MBTPS1: variants seen among roughly 807,000 people sequenced by gnomAD.
MBTPS1 encodes membrane-bound transcription factor site-1 protease.
MBTPS1 carries 94 observed loss-of-function variants against 127.8 expected under a neutral mutation model. That is an observed-to-expected ratio of 0.74 (90% CI 0.62 to 0.87). The LOEUF (loss-of-function observed/expected upper bound fraction) is 0.87, where lower values mean the gene tolerates loss of function less well. MBTPS1 is among the 40% of genes least tolerant of loss of function. MBTPS1 has a pLI of 0.00. For synonymous variants in MBTPS1, 632 were observed against 509.4 expected, an observed-to-expected ratio of 1.24 and a Z score of -3.24; for missense variants, 1,636 against 1,353.2, an observed-to-expected ratio of 1.21 and a Z score of -3.28.
intron 9 of MBTPS1, chr16:84,086,210 G>C (rs7200337): frequency 0.23 from 34,741 of 152,136 alleles, 4,822 homozygotes; most frequent in East Asian, 0.38. Flanking sequence ...CCATTAAAAA[G>C]CTGGCTGGTG....
chr16:84,112,888 T>C (rs1316406597), intron 1 of MBTPS1, among the ~76,000 whole-genome samples: 1 of 144,946 alleles, frequency 6.9e-6, no homozygotes, highest in African/African-American at 2.6e-5. Flanking sequence ...GGTGGGAGAA[T>C]CGCTTGAACC....
At chr16:84,092,645 T>G (rs773815136) in intron 6 of MBTPS1, among the ~76,000 whole-genome samples, 29 of 152,074 alleles carry the variant, frequency 1.9e-4, no homozygotes, top group Non-Finnish European at 4.0e-4. Context: ...ATTCAAAAAT[T>G]AACCTTAAAA....
At chr16:84,091,427 A>C (rs556154113) in intron 7 of MBTPS1, among the ~76,000 whole-genome samples, 1 of 149,000 alleles carries the variant, frequency 6.7e-6, no homozygotes, top group Non-Finnish European at 1.5e-5. Flanking sequence ...CGGAGGTTGC[A>C]GTGAGCCAAG....
At chr16:84,082,755 A>G (rs1436828452) in intron 10 of MBTPS1, among the ~76,000 whole-genome samples, 1 of 152,146 alleles carries the variant, frequency 6.6e-6, no homozygotes, top group Non-Finnish European at 1.5e-5. Context: ...AGTAGAGGAG[A>G]TAAAGTAGAT....
rs745547400 is a variant in MBTPS1, at chr16:84,099,284, A to G, written c.190T>C (p.Phe64Leu). The change falls in exon 3 of 23, where the codon TTT (phenylalanine) becomes CTT (leucine). Residue 64 changes from phenylalanine to leucine, a missense_variant. Physicochemically the swap from Phe to Leu is conservative, Grantham distance 22 (BLOSUM62 0). Coordinates refer to ENST00000343411, the MANE Select transcript of MBTPS1 (RefSeq NM_003791.4). The part of the protein sequence containing the change: ...YEYIVAFNGY[F>L]TAKARNSFIS... ...AATGAATTTCTAGCTTTGGCTGTAA[A>G]GTATCCATTGAAAGCCACAATATAT... The G allele has an allele frequency of 1.1e-5, 17 of 1,614,006 alleles. No homozygotes were observed. Among genetic ancestry groups the G allele is most frequent in the Non-Finnish European group, 1.4e-5 (16 of 1,180,026 alleles).
At chr16:84,054,741 G>A (rs530850292) in intron 22 of MBTPS1, 96 bp from the exon 23 acceptor site, 195 of 967,204 alleles carry the variant, frequency 2.0e-4, no homozygotes, top group Admixed American at 5.0e-4. Context: ...AACTAAATGC[G>A]AGCTAATTTC....
chr16:84,080,526 T>C lies in MBTPS1; in HGVS notation c.1448+1221A>G, dbSNP rs1441381115. Among the ~76,000 whole-genome samples the C allele has an allele frequency of 2.0e-5, 3 of 152,374 alleles. No individual in the cohort carries two copies. The East Asian group carries it at 5.8e-4, about 29-fold the overall frequency. ...CAGGGCCAGCAGCTCAGGTCTCCTC[T>C]GCAGGACACTGCTGGCTGACACCCG... is the stretch of plus-strand genomic sequence containing the variant. On this transcript the variant is annotated intron_variant, in intron 11 of 22. Transcript: ENST00000343411.
At chr16:84,089,802 CACTG>C (rs1408022549) in intron 8 of MBTPS1, among the ~76,000 whole-genome samples, 2 of 152,212 alleles carry the variant, frequency 1.3e-5, no homozygotes, top group Non-Finnish European at 2.9e-5. Context: ...GGCTAGGAAA[CACTG>C]ACACCTGGTG....
chr16:84,069,008 C>T (rs2085730983), intron 14 of MBTPS1, among the ~76,000 whole-genome samples: 1 of 152,204 alleles, frequency 6.6e-6, no homozygotes, highest in Non-Finnish European at 1.5e-5. Context: ...TCCAGGTCCT[C>T]TCCTGCAGGC....
At chr16:84,069,777 G>A (rs1161690257) in intron 14 of MBTPS1, 89 bp downstream of exon 14, 3 of 1,252,310 alleles carry the variant, frequency 2.4e-6, no homozygotes, top group African/African-American at 1.5e-5. Context: ...GAGAAGCTGA[G>A]CAACATCTTT....
At chr16:84,068,557 C>T in intron 14 of MBTPS1, 103 bp from the exon 15 acceptor site, 1 of 786,794 alleles carries the variant, frequency 1.3e-6, no homozygotes, top group Non-Finnish European at 2.2e-6. Flanking sequence ...TGCCATGGCC[C>T]ACAGAGAAGG....
intron 8 of MBTPS1, among the ~76,000 whole-genome samples, 189 bp downstream of exon 8, chr16:84,090,686 G>C (rs150644379): frequency 9.0e-4 from 137 of 152,176 alleles, no homozygotes; most frequent in Non-Finnish European, 4.4e-5. Flanking sequence ...CAACTGCTGA[G>C]GTGAGTGGTG....
At chr16:84,102,484 A>G (rs1399982118) in intron 1 of MBTPS1, among the ~76,000 whole-genome samples, 3 of 152,234 alleles carry the variant, frequency 2.0e-5, no homozygotes, top group African/African-American at 7.2e-5. Flanking sequence ...ATAAAACAAT[A>G]AAATCAATGA....
intron 6 of MBTPS1, among the ~76,000 whole-genome samples, chr16:84,092,286 A>G (rs2086120931): frequency 6.6e-6 from 1 of 152,230 alleles, no homozygotes; most frequent in South Asian, 2.1e-4. Flanking sequence ...CAGCAGTAAC[A>G]GTTATTTCAC....
chr16:84,064,057 T>C (rs146718931), intron 18 of MBTPS1, among the ~76,000 whole-genome samples: 2,573 of 152,244 alleles, frequency 0.017, 48 homozygotes, highest in Non-Finnish European at 0.022. Flanking sequence ...TTAAAATTTG[T>C]AATGAATCAA....
chr16:84,108,237 A>G (rs1357006005), intron 1 of MBTPS1, among the ~76,000 whole-genome samples: 1 of 151,920 alleles, frequency 6.6e-6, no homozygotes, highest in East Asian at 1.9e-4. Context: ...ATGCACACAC[A>G]GATACAGACA....
intron 3 of MBTPS1, among the ~76,000 whole-genome samples, chr16:84,097,575 TA>T (rs2086193671): frequency 6.6e-6 from 1 of 152,180 alleles, no homozygotes; most frequent in South Asian, 2.1e-4. Context: ...GTGCTAAAAT[TA>T]GGCAACTCCG....
chr16:84,060,907 C>G lies in MBTPS1; in HGVS notation c.2573-94G>C, dbSNP rs1172525852. ...CCAGTGCAGTGGCGCAATCATAGCT[C>G]ACTGCAGCCTTGAGCTCCTGGGCTC... is the stretch of plus-strand genomic sequence containing the variant. On this transcript the variant is annotated intron_variant, in intron 19 of 22. Coordinates refer to ENST00000343411, the MANE Select transcript of MBTPS1 (RefSeq NM_003791.4). 5.5e-6 allele frequency: 7 copies of G among 1,266,750 alleles called. No individual in the cohort carries two copies. In the South Asian group the frequency reaches 8.8e-5, roughly 16 times the overall value. The allele number at this position is 1,266,750 out of a possible 1,614,324, so 78.5% of individuals were successfully genotyped here.
At chr16:84,091,066 T>C (rs2086099019) in intron 7 of MBTPS1, 124 bp from the exon 8 acceptor site, 2 of 753,836 alleles carry the variant, frequency 2.7e-6, no homozygotes, top group South Asian at 1.7e-5. Flanking sequence ...TGGCCCATTA[T>C]AAAGGCGGAT....
Sources: gnomAD v4.1 joint callset for allele counts (sites outside exome capture counted in the v4.1 genomes callset) on GRCh38, gnomAD v4.1.1 for gene constraint, MANE v1.5 for transcripts, NCBI Gene and HGNC (gene_info 2026-07-23, HGNC 2026-07-21) for gene names.